FSTL5: variants seen among roughly 807,000 people sequenced by gnomAD.
The protein encoded by FSTL5 is follistatin-related protein 5.
A neutral mutation model predicts 89.1 loss-of-function variants in FSTL5; 62 were observed. The observed-to-expected ratio is 0.70, with a 90% CI of 0.57 to 0.86. The LOEUF is 0.86. FSTL5 is among the 40% of genes least tolerant of loss of function. FSTL5 has a pLI of 0.00. For synonymous variants in FSTL5, 383 were observed against 346.2 expected (o/e 1.11, Z -1.18); for missense variants, 1,057 against 1,001.6 (o/e 1.06, Z -0.75).
intron 11 of FSTL5, among the ~76,000 whole-genome samples, chr4:161,502,952 T>C (rs1482768539): frequency 2.0e-5 from 3 of 151,688 alleles, no homozygotes; most frequent in African/African-American, 2.4e-5. Flanking sequence ...AGATTTTTAC[T>C]AACTACTAAA....
intron 4 of FSTL5, among the ~76,000 whole-genome samples, chr4:161,779,171 G>T (rs887740379): frequency 1.3e-5 from 2 of 152,142 alleles, no homozygotes; most frequent in African/African-American, 4.8e-5. Context: ...TAGTCAGTGT[G>T]ATCATCATAA....
chr4:161,545,332 T>G (rs1304581014), intron 8 of FSTL5, among the ~76,000 whole-genome samples: 3 of 152,042 alleles, frequency 2.0e-5, no homozygotes, highest in African/African-American at 7.2e-5. Context: ...CTCTCTCCCA[T>G]GTATATACAC....
intron 13 of FSTL5, among the ~76,000 whole-genome samples, chr4:161,462,547 A>G (rs1157058133): frequency 6.6e-6 from 1 of 152,194 alleles, no homozygotes; most frequent in African/African-American, 2.4e-5. Context: ...TAATAATAGT[A>G]CCTTGGGAAG....
intron 4 of FSTL5, among the ~76,000 whole-genome samples, chr4:161,852,277 G>A (rs1731578596): frequency 6.6e-6 from 1 of 152,040 alleles, no homozygotes; most frequent in Non-Finnish European, 1.5e-5. Flanking sequence ...ATTTAAAAAT[G>A]ATAGAATTTA....
chr4:161,444,822 T>C (rs968553865), intron 15 of FSTL5, among the ~76,000 whole-genome samples: 2 of 151,912 alleles, frequency 1.3e-5, no homozygotes, highest in African/African-American at 4.8e-5. Context: ...AATTCTAGAA[T>C]GTATTGAGTG....
intron 10 of FSTL5, among the ~76,000 whole-genome samples, chr4:161,514,725 A>T (rs1730758082): frequency 6.6e-6 from 1 of 152,158 alleles, no homozygotes; most frequent in Non-Finnish European, 1.5e-5. Flanking sequence ...AAACAAATAT[A>T]AATTGTATAA....
At chr4:162,023,086 T>G (rs193009000) in intron 3 of FSTL5, among the ~76,000 whole-genome samples, 93 of 152,256 alleles carry the variant, frequency 6.1e-4, no homozygotes, top group Middle Eastern at 3.4e-3. Flanking sequence ...TTGTACAATT[T>G]TTTTAAAAGA....
intron 13 of FSTL5, among the ~76,000 whole-genome samples, chr4:161,459,899 A>T (rs1733499450): frequency 6.6e-6 from 1 of 151,748 alleles, no homozygotes; most frequent in Non-Finnish European, 1.5e-5. Flanking sequence ...TTCTTTTTTT[A>T]TGCACCATGC....
intron 7 of FSTL5, among the ~76,000 whole-genome samples, chr4:161,611,343 A>T (rs1185071383): frequency 6.7e-6 from 1 of 150,034 alleles, no homozygotes; most frequent in Non-Finnish European, 1.5e-5. Flanking sequence ...ACATTAATTT[A>T]TCAAGAAAAT....
chr4:161,961,779 C>A (rs1338434840), intron 3 of FSTL5, among the ~76,000 whole-genome samples: 2 of 151,466 alleles, frequency 1.3e-5, no homozygotes, highest in Non-Finnish European at 2.9e-5. Flanking sequence ...TAGTTAATAC[C>A]TGAATAATCA....
Position 161,926,541 on chromosome 4 carries a change from T to G in FSTL5, c.161-5889A>C, listed in dbSNP as rs77856526. 5.6e-3 allele frequency among the ~76,000 whole-genome samples: 843 copies of G among 151,776 alleles called. 5 individuals are homozygous for G. Among genetic ancestry groups the G allele is most frequent in the African/African-American group, 0.019 (805 of 41,482 alleles). ...AATGAATGTTTGCTAGGAGATATAA[T>G]TTTTGATGTGTCATTTCAAGAAGTT... On this transcript the variant is annotated intron_variant, in intron 3 of 15. Transcript: ENST00000306100.
chr4:161,959,571 G>T (rs1735115195), intron 3 of FSTL5, among the ~76,000 whole-genome samples: 1 of 152,008 alleles, frequency 6.6e-6, no homozygotes, highest in Non-Finnish European at 1.5e-5. Flanking sequence ...AGGACATTTA[G>T]TCATGCTTTT....
Position 161,821,789 on chromosome 4 carries a change from A to G in FSTL5, c.410-45715T>C, listed in dbSNP as rs190763828. Among the ~76,000 whole-genome samples, 736 of 151,848 alleles carry G rather than the reference A, an allele frequency of 4.8e-3. 13 individuals are homozygous for G. The highest frequency in any genetic ancestry group is 0.017 in the African/African-American group (708 of 41,454). On this transcript the variant is annotated intron_variant, in intron 4 of 15. Coordinates refer to ENST00000306100, the MANE Select transcript of FSTL5 (RefSeq NM_020116.5). ...GCATGGTATTCCATGGTGTGTGTGTATATATATATATGAATACCACAATTT... is the reference window on the plus strand; with the variant it reads ...GCATGGTATTCCATGGTGTGTGTGTGTATATATATATGAATACCACAATTT...
intron 1 of FSTL5, among the ~76,000 whole-genome samples, chr4:162,149,465 A>C (rs1733139858): frequency 6.8e-6 from 1 of 147,236 alleles, no homozygotes; most frequent in Non-Finnish European, 1.5e-5. Flanking sequence ...ATCTCTACAA[A>C]GAAATGTAAA....
intron 1 of FSTL5, among the ~76,000 whole-genome samples, chr4:162,126,423 T>A (rs2111446465): frequency 6.6e-6 from 1 of 152,278 alleles, no homozygotes; most frequent in South Asian, 2.1e-4. Flanking sequence ...CTCCTGTTAA[T>A]CTAATTATGA....
intron 2 of FSTL5, among the ~76,000 whole-genome samples, chr4:162,052,127 T>G: frequency 6.6e-6 from 1 of 151,620 alleles, no homozygotes; most frequent in Admixed American, 6.6e-5. Context: ...CAACAGAGAC[T>G]TGATGTAAAG....
chr4:161,568,946 T>C (rs1732911239), intron 8 of FSTL5, among the ~76,000 whole-genome samples: 1 of 152,200 alleles, frequency 6.6e-6, no homozygotes, highest in South Asian at 2.1e-4. Context: ...CAGGGTTAAC[T>C]TTCTATAAAG....
At chr4:161,937,082 A>G (rs1051832673) in intron 3 of FSTL5, among the ~76,000 whole-genome samples, 3 of 152,126 alleles carry the variant, frequency 2.0e-5, no homozygotes, top group African/African-American at 7.2e-5. Flanking sequence ...GAAAGATAAG[A>G]CCAAAATAAA....
At chr4:161,656,603 A>G (rs145681177) in intron 6 of FSTL5, 109 bp from the exon 7 acceptor site, 49 of 577,850 alleles carry the variant, frequency 8.5e-5, no homozygotes, top group Non-Finnish European at 1.2e-4. Flanking sequence ...AATAAAAGGG[A>G]AAAAAGCTTG....
Sources: allele counts gnomAD v4.1 joint callset (sites outside exome capture counted in the v4.1 genomes callset), GRCh38; gene constraint gnomAD v4.1.1; transcripts MANE v1.5; gene names NCBI Gene and HGNC (gene_info 2026-07-23, HGNC 2026-07-21).